The following ITGAL variants were observed in gnomAD, a reference collection of about 807,000 sequenced individuals.
ITGAL encodes integrin alpha-L.
A neutral mutation model predicts 138.4 loss-of-function variants in ITGAL; 68 were observed. The ratio of observed to expected loss-of-function variants is 0.49; its 90% confidence interval spans 0.40 to 0.60. The LOEUF (loss-of-function observed/expected upper bound fraction) is 0.60, where lower values mean the gene tolerates loss of function less well. Ranked by LOEUF, ITGAL falls within the 20% of genes least tolerant of loss-of-function variation. ITGAL has a pLI of 0.00. For missense variants in ITGAL, 1,256 were observed against 1,478.6 expected (o/e 0.85, Z 2.47); for synonymous variants, 561 against 584.3 (o/e 0.96, Z 0.57).
chr16:30,500,116 C>T (rs967666006), intron 17 of ITGAL, among the ~76,000 whole-genome samples: 3 of 150,078 alleles, frequency 2.0e-5, no homozygotes, highest in Non-Finnish European at 4.4e-5. Flanking sequence ...GACAGAGTCT[C>T]GCTCTATCAC....
At chr16:30,507,516 G>T (rs1240284458) in intron 21 of ITGAL, among the ~76,000 whole-genome samples, 1 of 151,742 alleles carries the variant, frequency 6.6e-6, no homozygotes, top group Non-Finnish European at 1.5e-5. Context: ...CAGGCGAGGT[G>T]GTGTGCGGCT....
intron 30 of ITGAL, among the ~76,000 whole-genome samples, 161 bp from the exon 31 acceptor site, chr16:30,521,331 T>C (rs2051250235): frequency 6.6e-6 from 1 of 151,220 alleles, no homozygotes; most frequent in African/African-American, 2.4e-5. Context: ...TGCTTAAGTC[T>C]GGGAGGCAGA....
intron 4 of ITGAL, among the ~76,000 whole-genome samples, chr16:30,476,032 C>T (rs2050466624): frequency 6.6e-6 from 1 of 151,954 alleles, no homozygotes; most frequent in African/African-American, 2.4e-5. Flanking sequence ...AGGCGGATCA[C>T]GAGGTCAGGA....
intron 17 of ITGAL, among the ~76,000 whole-genome samples, chr16:30,501,364 T>C (rs748729604): frequency 1.6e-4 from 25 of 152,042 alleles, no homozygotes; most frequent in Admixed American, 6.6e-4. Flanking sequence ...TCACCTGAGA[T>C]TGGCAGTCCA....
intron 17 of ITGAL, among the ~76,000 whole-genome samples, chr16:30,501,773 C>A (rs573549088): frequency 3.3e-5 from 5 of 152,114 alleles, no homozygotes; most frequent in African/African-American, 9.6e-5. Context: ...GGCACGGTGG[C>A]TCATGCCAGC....
At chr16:30,484,349 C>T in intron 9 of ITGAL, 86 bp downstream of exon 9, 1 of 1,337,088 alleles carries the variant, frequency 7.5e-7, no homozygotes, top group Non-Finnish European at 1.0e-6. Flanking sequence ...TGGCTCACAC[C>T]TGTAATCCCA....
At chr16:30,510,576 G>A (rs2051075186) in intron 22 of ITGAL, 105 bp downstream of exon 22, 2 of 731,374 alleles carry the variant, frequency 2.7e-6, no homozygotes, top group Non-Finnish European at 2.5e-6. Flanking sequence ...TTGTCAAGAA[G>A]GGTGTACCTT....
intron 1 of ITGAL, chr16:30,473,856 A>G (rs2151139523): frequency 2.1e-6 from 1 of 476,128 alleles, no homozygotes; most frequent in East Asian, 5.8e-5. Context: ...GCTCGGGGGC[A>G]TCCCCATCTT....
At chr16:30,509,953 C>A (rs192474685) in intron 21 of ITGAL, among the ~76,000 whole-genome samples, 4 of 151,750 alleles carry the variant, frequency 2.6e-5, no homozygotes, top group Non-Finnish European at 5.9e-5. Context: ...GCAGGAGGAT[C>A]GCTTGAGCCT....
At chr16:30,505,513 C>A in intron 20 of ITGAL, 51 bp downstream of exon 20, 3 of 1,322,754 alleles carry the variant, frequency 2.3e-6, no homozygotes, top group Non-Finnish European at 3.3e-6. Flanking sequence ...GTTTTAAGAC[C>A]CCCCACTCCA....
At chr16:30,517,159 G>A in intron 26 of ITGAL, 73 bp downstream of exon 26, 2 of 1,002,718 alleles carry the variant, frequency 2.0e-6, no homozygotes, top group South Asian at 3.0e-5. Context: ...GGGTACAGAG[G>A]GCAGGGCTTG....
At chr16:30,518,303 G>C (rs2051200514) in intron 28 of ITGAL, among the ~76,000 whole-genome samples, 1 of 151,980 alleles carries the variant, frequency 6.6e-6, no homozygotes, top group Non-Finnish European at 1.5e-5. Context: ...CAAAACTTTA[G>C]CCGGGCGTGG....
chr16:30,479,062 C>T, intron 4 of ITGAL, 29 bp from the exon 5 acceptor site: 1 of 1,569,412 alleles, frequency 6.4e-7, no homozygotes, highest in Non-Finnish European at 8.8e-7. Context: ...AAATAGGAGA[C>T]CCAAATCTTT....
rs199800993 is a variant in ITGAL at position 30,510,977 on chromosome 16, C to T, written c.2699+17C>T. On this transcript the variant is annotated intron_variant, in intron 23 of 30. Coordinates refer to ENST00000356798, the MANE Select transcript of ITGAL (RefSeq NM_002209.3). ...TGTGACCTGGTGAGCAGGCCCCGCCCACATCCCTGCCATGGTCTCAGACCT... is the reference window on the plus strand; with the variant it reads ...TGTGACCTGGTGAGCAGGCCCCGCCTACATCCCTGCCATGGTCTCAGACCT... 6 of 1,613,546 alleles carry T rather than the reference C, an allele frequency of 3.7e-6. No individual in the cohort carries two copies. In the Admixed American group the frequency reaches 1.0e-4, roughly 27 times the overall value.
In ITGAL at chr16:30,506,816, T is replaced by TC. The variant is rs1349137502; in HGVS notation, c.2474dup (p.Leu827ThrfsTer13). ...TACTGGGTCCAGCTGGACCTGCACTTCCCCCCGGGACTCTCCTTCCGCAAG... is the reference window on the plus strand; with the variant it reads ...TACTGGGTCCAGCTGGACCTGCACTTCCCCCCCGGGACTCTCCTTCCGCAAG... On this transcript the variant is annotated frameshift_variant, in exon 21 of 31. Coordinates refer to ENST00000356798, the MANE Select transcript of ITGAL (RefSeq NM_002209.3). LOFTEE classifies it high-confidence loss of function. 6.2e-7 allele frequency: 1 copy of TC among 1,613,386 alleles called. No individual in the cohort carries two copies. The highest frequency in any genetic ancestry group is 2.2e-5 in the East Asian group (1 of 44,854).
chr16:30,515,596 G>A (rs2051154909), intron 25 of ITGAL, among the ~76,000 whole-genome samples: 1 of 152,058 alleles, frequency 6.6e-6, no homozygotes, highest in African/African-American at 2.4e-5. Flanking sequence ...CCTCCTTCCA[G>A]CCACATCCCT....
intron 2 of ITGAL, 120 bp downstream of exon 2, chr16:30,474,418 T>C (rs1371162867): frequency 1.5e-6 from 1 of 673,574 alleles, no homozygotes; most frequent in Non-Finnish European, 2.6e-6. Context: ...TCTCCAGGGG[T>C]TCCCGTCTGG....
chr16:30,473,883 C>T (rs1403995945), intron 1 of ITGAL: 1 of 516,374 alleles, frequency 1.9e-6, no homozygotes, highest in Admixed American at 2.3e-5. Context: ...TGCCTGAGAA[C>T]TTGGTCACCC....
At chr16:30,498,814 T>G in intron 15 of ITGAL, 1 of 353,564 alleles carries the variant, frequency 2.8e-6, no homozygotes. Flanking sequence ...GGTGGGAGGA[T>G]TACTAGAGCC....
Sources: allele counts gnomAD v4.1 joint callset (sites outside exome capture counted in the v4.1 genomes callset), GRCh38; gene constraint gnomAD v4.1.1; transcripts MANE v1.5; gene names NCBI Gene and HGNC (gene_info 2026-07-23, HGNC 2026-07-21).